NRG3: variants seen among roughly 807,000 people sequenced by gnomAD.
NRG3 encodes neuregulin 3.
In NRG3, 31 loss-of-function variants were observed where a neutral mutation model predicts 66.9. The observed-to-expected ratio is 0.46, with a 90% CI of 0.35 to 0.63. The LOEUF is 0.63. Among genes scored for constraint, NRG3 ranks in the 20% least tolerant of loss-of-function variants. The pLI, the probability that NRG3 is intolerant of heterozygous loss-of-function variation, is 0.00. For synonymous variants in NRG3, 393 were observed against 359.4 expected, an observed-to-expected ratio of 1.09 and a Z score of -1.06; for missense variants, 910 against 878.9, an observed-to-expected ratio of 1.04 and a Z score of -0.45.
At chr10:81,998,148 G>C (rs2061016873) in intron 1 of NRG3, among the ~76,000 whole-genome samples, 1 of 152,150 alleles carries the variant, frequency 6.6e-6, no homozygotes, top group Non-Finnish European at 1.5e-5. Context: ...TTTTCAGTGT[G>C]ATAAAGGGCG....
At chr10:82,332,039 C>T (rs1201522854) in intron 1 of NRG3, among the ~76,000 whole-genome samples, 1 of 152,148 alleles carries the variant, frequency 6.6e-6, no homozygotes. Flanking sequence ...GGTTGAAATG[C>T]TTGGGTTGGA....
chr10:82,457,113 C>T (rs977357404), intron 2 of NRG3, among the ~76,000 whole-genome samples: 1 of 152,106 alleles, frequency 6.6e-6, no homozygotes, highest in African/African-American at 2.4e-5. Flanking sequence ...ATCTGTGATG[C>T]CACTCACACT....
At chr10:82,305,231 G>C (rs1006997135) in intron 1 of NRG3, among the ~76,000 whole-genome samples, 1 of 152,074 alleles carries the variant, frequency 6.6e-6, no homozygotes, top group Admixed American at 6.5e-5. Flanking sequence ...TCCTGACCTT[G>C]TGATCCACCT....
At chr10:82,948,594 CT>C (rs1420176018) in intron 4 of NRG3, among the ~76,000 whole-genome samples, 1 of 151,988 alleles carries the variant, frequency 6.6e-6, no homozygotes, top group Non-Finnish European at 1.5e-5. Context: ...TTATTTAGAT[CT>C]TCTTTTAAGC....
chr10:82,257,556 G>A (rs1032263331), intron 1 of NRG3, among the ~76,000 whole-genome samples: 5 of 152,112 alleles, frequency 3.3e-5, no homozygotes, highest in Non-Finnish European at 7.3e-5. Context: ...AATCACCTGA[G>A]GTCAGGAGTT....
At chr10:82,455,638 G>T (rs1354872479) in intron 2 of NRG3, among the ~76,000 whole-genome samples, 1 of 147,052 alleles carries the variant, frequency 6.8e-6, no homozygotes, top group African/African-American at 2.5e-5. Flanking sequence ...TTTTTGAGAC[G>T]GAGTCTCACT....
intron 2 of NRG3, among the ~76,000 whole-genome samples, chr10:82,426,996 G>C (rs921033366): frequency 2.6e-5 from 4 of 151,984 alleles, no homozygotes; most frequent in Non-Finnish European, 5.9e-5. Context: ...CATTGCTAGT[G>C]TATAGAAATA....
At chr10:82,004,641 G>T (rs1412252297) in intron 1 of NRG3, among the ~76,000 whole-genome samples, 1 of 152,150 alleles carries the variant, frequency 6.6e-6, no homozygotes, top group Non-Finnish European at 1.5e-5. Flanking sequence ...GTATGTTAAA[G>T]TTCTAACCAC....
chr10:82,631,652 C>T (rs1190858123), intron 2 of NRG3, among the ~76,000 whole-genome samples: 3 of 147,622 alleles, frequency 2.0e-5, no homozygotes, highest in African/African-American at 2.5e-5. Context: ...CACTGAATTT[C>T]CTTTTTTGAT....
chr10:82,118,727 A>AT lies in NRG3; in HGVS notation c.824-240003dup, dbSNP rs147559668. The stretch of plus-strand genomic sequence containing the variant: ...TTGTTAATGCTGAAAATAGTAAATG[A>AT]TTTTTTTTTCTTTGCAATAGATGTG... On this transcript the variant is annotated intron_variant, in intron 1 of 8. Coordinates refer to ENST00000372141, the MANE Select transcript of NRG3 (RefSeq NM_001010848.4). 9.5e-3 allele frequency among the ~76,000 whole-genome samples: 1,434 copies of AT among 151,500 alleles called. 23 individuals carry two copies. Among genetic ancestry groups the AT allele is most frequent in the African/African-American group, 0.033 (1,352 of 41,300 alleles).
At chr10:81,967,473 G>A (rs2059774248) in intron 1 of NRG3, among the ~76,000 whole-genome samples, 1 of 151,712 alleles carries the variant, frequency 6.6e-6, no homozygotes, top group African/African-American at 2.4e-5. Context: ...TTCTATATGT[G>A]TTTGAAAAAA....
chr10:81,964,236 G>A (rs1041522634), intron 1 of NRG3, among the ~76,000 whole-genome samples: 2 of 151,626 alleles, frequency 1.3e-5, no homozygotes, highest in African/African-American at 4.8e-5. Flanking sequence ...TCATTTAACC[G>A]TATTGAGTTG....
intron 1 of NRG3, among the ~76,000 whole-genome samples, chr10:81,927,913 A>T (rs1846966492): frequency 6.6e-6 from 1 of 152,170 alleles, no homozygotes; most frequent in Non-Finnish European, 1.5e-5. Flanking sequence ...GACTGAGAAA[A>T]CAGATTCCTT....
At chr10:82,382,238 A>G (rs1477855744) in intron 2 of NRG3, among the ~76,000 whole-genome samples, 1 of 152,046 alleles carries the variant, frequency 6.6e-6, no homozygotes, top group Non-Finnish European at 1.5e-5. Flanking sequence ...AGTCTTGGCC[A>G]GAAATATTCA....
chr10:81,896,867 C>G (rs1415788280), intron 1 of NRG3, among the ~76,000 whole-genome samples: 1 of 152,104 alleles, frequency 6.6e-6, no homozygotes, highest in South Asian at 2.1e-4. Context: ...CACCCAGCTC[C>G]AGAGCTGCAA....
chr10:82,221,821 C>T (rs951409786), intron 1 of NRG3, among the ~76,000 whole-genome samples: 1 of 152,166 alleles, frequency 6.6e-6, no homozygotes, highest in South Asian at 2.1e-4. Context: ...ATTGAGTTGC[C>T]AAGAGTTGTC....
At chr10:82,166,992 A>G (rs1395264657) in intron 1 of NRG3, among the ~76,000 whole-genome samples, 2 of 151,758 alleles carry the variant, frequency 1.3e-5, no homozygotes, top group East Asian at 3.9e-4. Flanking sequence ...GTTCCTATGT[A>G]TGTAACGCAT....
intron 1 of NRG3, among the ~76,000 whole-genome samples, chr10:81,984,493 C>T (rs951638314): frequency 1.3e-5 from 2 of 152,120 alleles, no homozygotes; most frequent in African/African-American, 4.8e-5. Flanking sequence ...AGCCTCACTC[C>T]TTCCAAACTT....
At chr10:82,581,319 T>C (rs2046343841) in intron 2 of NRG3, among the ~76,000 whole-genome samples, 1 of 152,116 alleles carries the variant, frequency 6.6e-6, no homozygotes, top group Non-Finnish European at 1.5e-5. Context: ...ATTCCTTATA[T>C]ATTTTTCATA....
Sources: gnomAD v4.1 joint callset for allele counts (sites outside exome capture counted in the v4.1 genomes callset) on GRCh38, gnomAD v4.1.1 for gene constraint, MANE v1.5 for transcripts, NCBI Gene and HGNC (gene_info 2026-07-23, HGNC 2026-07-21) for gene names.